Variants in HMCN2 observed in about 807,000 individuals in gnomAD.
HMCN2 encodes hemicentin 2.
In HMCN2, 325 loss-of-function variants were observed where a neutral mutation model predicts 377.5. The observed-to-expected ratio is 0.86, with a 90% CI of 0.79 to 0.94. HMCN2 has a LOEUF of 0.94. Ranked by LOEUF, HMCN2 falls within the 40% of genes least tolerant of loss-of-function variation. HMCN2 has a pLI of 0.00. For synonymous variants in HMCN2, 2,007 were observed against 2,046.8 expected (o/e 0.98, Z 0.53); for missense variants, 4,543 against 4,725.3 (o/e 0.96, Z 1.13).
At position 130,353,064 on chromosome 9, in the gene HMCN2, A is replaced by G. The variant is rs1454606878; in HGVS notation, c.4723A>G (p.Thr1575Ala). ...GTTCAAGGACGGGGCCCTGCTCCCC[A>G]CCAGCACCAAGGTGGTCTACACTAG... is the stretch of plus-strand genomic sequence containing the variant. ...TWFKDGALLP[T>A]STKVVYTRGG... The change falls in exon 31 of 98, where the codon ACC becomes GCC. Residue 1575 changes from threonine to alanine, a missense_variant. Thr to Ala is a moderately conservative substitution (Grantham distance 58, BLOSUM62 0). Around this residue, in one of 5 missense-constraint regions of HMCN2, gnomAD observed 1,032 missense variants for 1,285.1 expected, o/e 0.80. Transcript: ENST00000683500. The G allele has an allele frequency of 1.9e-5, 25 of 1,304,068 alleles. No individual in the cohort carries two copies. Among genetic ancestry groups the G allele is most frequent in the Non-Finnish European group, 2.5e-5 (25 of 988,936 alleles). The allele number at this position is 1,304,068 out of a possible 1,614,324, so 80.8% of individuals were successfully genotyped here. A position where few individuals can be genotyped will look rare whatever the true frequency, so the allele number is the denominator to read the frequency against.
intron 8 of HMCN2, among the ~76,000 whole-genome samples, chr9:130,302,109 T>A (rs1836548057): frequency 6.6e-6 from 1 of 152,042 alleles, no homozygotes; most frequent in African/African-American, 2.4e-5. Flanking sequence ...TGGTGTGATC[T>A]TGGCTCACTG....
chr9:130,356,938 A>G (rs1840054290), intron 34 of HMCN2, among the ~76,000 whole-genome samples: 1 of 149,592 alleles, frequency 6.7e-6, no homozygotes, highest in Non-Finnish European at 1.5e-5. Context: ...GGGTTGGTGG[A>G]TGAATGAGTG....
intron 15 of HMCN2, among the ~76,000 whole-genome samples, chr9:130,316,860 CCT>C (rs1837588929): frequency 6.6e-6 from 1 of 152,180 alleles, no homozygotes; most frequent in South Asian, 2.1e-4. Context: ...CGGCCTCTCC[CCT>C]GACCTCAGCA....
chr9:130,431,617 G>A (rs11244312), intron 96 of HMCN2, 131 bp downstream of exon 96: 670,963 of 1,347,322 alleles, frequency 0.5, 170,610 homozygotes, highest in Middle Eastern at 0.53. Context: ...GTGGGGCGGG[G>A]AGGCAGGCTC....
chr9:130,431,515 C>T (rs1463129084), intron 96 of HMCN2, 29 bp downstream of exon 96: 2 of 1,544,420 alleles, frequency 1.3e-6, no homozygotes, highest in Admixed American at 2.0e-5. Flanking sequence ...GCCGCCCAAA[C>T]ACCCGTGGGG....
chr9:130,371,177 T>A, intron 46 of HMCN2, 46 bp downstream of exon 46: 1 of 972,140 alleles, frequency 1.0e-6, no homozygotes, highest in Non-Finnish European at 1.2e-6. Flanking sequence ...GGTCGGGCTC[T>A]CTGCCTCTGA....
Position 130,379,387 on chromosome 9 carries a change from A to G in HMCN2, c.8351A>G (p.Asn2784Ser), listed in dbSNP as rs1328826651. Residue 2784 changes from asparagine to serine, a missense_variant, in exon 54 of 98, where the codon AAC becomes AGC. Physicochemically the swap from Asn to Ser is conservative, Grantham distance 46. This residue lies in a region of HMCN2 where 736 missense variants were observed against 773.2 expected (regional missense o/e 0.95). Coordinates refer to ENST00000683500, the MANE Select transcript of HMCN2 (RefSeq NM_001291815.2). The stretch of plus-strand genomic sequence containing the variant: ...CCAGCCTACCTGTACTGCGACACCA[A>G]CGCGATCCCACCCCCGGACCTCACC... Reference protein sequence around the residue: ...NNPAYLYCDTNAIPPPDLTWY... With the variant: ...NNPAYLYCDTSAIPPPDLTWY... 2.0e-6 allele frequency: 2 copies of G among 985,618 alleles called. No homozygotes were observed. Among genetic ancestry groups the G allele is most frequent in the Non-Finnish European group, 2.4e-6 (2 of 829,942 alleles). The allele number at this position is 985,618 out of a possible 1,614,324, so 61.1% of individuals were successfully genotyped here.
intron 54 of HMCN2, among the ~76,000 whole-genome samples, chr9:130,380,228 G>A (rs978360353): frequency 1.3e-5 from 2 of 152,116 alleles, no homozygotes; most frequent in Non-Finnish European, 2.9e-5. Flanking sequence ...GTTTATTTAA[G>A]GTAATTTAAT....
intron 83 of HMCN2, 24 bp from the exon 84 acceptor site, chr9:130,408,719 C>T (rs997036664): frequency 1.6e-6 from 2 of 1,276,210 alleles, no homozygotes; most frequent in South Asian, 1.2e-5. Flanking sequence ...TTTCTGACAA[C>T]TTGCTCGATG....
chr9:130,400,924 GT>G lies in HMCN2; in HGVS notation c.11748del (p.Ser3916ArgfsTer34), dbSNP rs1293110408. 1 of 1,288,724 alleles carries G rather than the reference GT, an allele frequency of 7.8e-7. No homozygotes were observed. Among genetic ancestry groups the G allele is most frequent in the Admixed American group, 2.3e-5 (1 of 43,390 alleles). The allele number at this position is 1,288,724 out of a possible 1,614,324, so 79.8% of individuals were successfully genotyped here. On this transcript the variant is annotated frameshift_variant, in exon 77 of 98. Coordinates refer to ENST00000683500, the MANE Select transcript of HMCN2 (RefSeq NM_001291815.2). LOFTEE classifies it high-confidence loss of function. ...KAGAQLGARG[S>X]GYRVSPSGAL... ...GGCGCCCAGCTAGGAGCTCGGGGGA[GT>G]GGCTATCGTGTCTCACCATCGGGTA...
intron 82 of HMCN2, chr9:130,406,962 T>G (rs1843129353): frequency 6.5e-6 from 1 of 153,218 alleles, no homozygotes; most frequent in Non-Finnish European, 1.5e-5. Context: ...ATTAGAATCC[T>G]TCTCTCGGCT....
chr9:130,306,934 C>T lies in HMCN2; in HGVS notation c.2082C>T (p.Tyr694=), dbSNP rs1367618016. ...GTDQETVTLY[Y]TDPPSVSAVN... ...ACCAGGAGACGGTCACCCTCTACTA[C>T]ACAGGTACCCAGGCCACAAGCATCA... Residue 694 remains tyrosine (Y), a synonymous_variant, in exon 13 of 98, where the codon TAC becomes TAT. Coordinates refer to ENST00000683500, the MANE Select transcript of HMCN2 (RefSeq NM_001291815.2). 2.1e-6 allele frequency: 1 copy of T among 467,500 alleles called. No individual in the cohort carries two copies. Among genetic ancestry groups the T allele is most frequent in the Non-Finnish European group, 4.4e-6 (1 of 224,846 alleles). The allele number at this position is 467,500 out of a possible 1,614,324, so 29.0% of individuals were successfully genotyped here. A position where few individuals can be genotyped will look rare whatever the true frequency, so the allele number is the denominator to read the frequency against.
chr9:130,277,389 C>T (rs1554923506), intron 1 of HMCN2, among the ~76,000 whole-genome samples: 1 of 152,220 alleles, frequency 6.6e-6, no homozygotes, highest in Non-Finnish European at 1.5e-5. Context: ...AGGCACAGGA[C>T]AAGGGTCTGG....
At chr9:130,342,723 C>T (rs1839125350) in intron 25 of HMCN2, among the ~76,000 whole-genome samples, 1 of 152,060 alleles carries the variant, frequency 6.6e-6, no homozygotes, top group East Asian at 1.9e-4. Flanking sequence ...GCCCTGCCCC[C>T]CTGTGCCCAT....
At chr9:130,343,994 C>T (rs2131489163) in intron 25 of HMCN2, among the ~76,000 whole-genome samples, 2 of 151,518 alleles carry the variant, frequency 1.3e-5, no homozygotes, top group South Asian at 4.2e-4. Flanking sequence ...GTGTGTGGGA[C>T]TCTGCACAGT....
intron 1 of HMCN2, among the ~76,000 whole-genome samples, chr9:130,271,500 C>G (rs1834402843): frequency 6.7e-6 from 1 of 149,306 alleles, no homozygotes; most frequent in South Asian, 2.2e-4. Context: ...TTTTGCTCCT[C>G]AAATGTTTCT....
At chr9:130,307,625 G>A in intron 14 of HMCN2, 59 bp downstream of exon 14, 1 of 469,964 alleles carries the variant, frequency 2.1e-6, no homozygotes. Flanking sequence ...GGTGTTGAGG[G>A]GAGGTGGGGG....
chr9:130,293,279 G>GTATTT (rs1835901741), intron 4 of HMCN2, among the ~76,000 whole-genome samples: 1 of 57,126 alleles, frequency 1.8e-5, no homozygotes, highest in Non-Finnish European at 2.7e-5. Context: ...ACTCACTAAA[G>GTATTT]TTTTTTTTTT....
chr9:130,343,413 G>A (rs1839169601), intron 25 of HMCN2, among the ~76,000 whole-genome samples: 1 of 152,180 alleles, frequency 6.6e-6, no homozygotes, highest in Non-Finnish European at 1.5e-5. Context: ...AGGACTCAGG[G>A]AGAGGCAGGT....
Sources: allele counts gnomAD v4.1 joint callset (sites outside exome capture counted in the v4.1 genomes callset), GRCh38; gene constraint gnomAD v4.1.1; regional missense constraint gnomAD v4.1.1; transcripts MANE v1.5; gene names NCBI Gene and HGNC (gene_info 2026-07-23, HGNC 2026-07-21).